Variants in SULF2 observed in about 807,000 individuals in gnomAD.
SULF2 encodes the protein extracellular sulfatase Sulf-2.
A neutral mutation model predicts 107.7 loss-of-function variants in SULF2; 52 were observed. The observed-to-expected ratio is 0.48, with a 90% CI of 0.39 to 0.61. SULF2 has a LOEUF of 0.61. Among genes scored for constraint, SULF2 ranks in the 20% least tolerant of loss-of-function variants. The probability of loss-of-function intolerance (pLI) is 0.00; values close to 1 mark genes in which losing one functional copy is unlikely to be tolerated. For synonymous variants in SULF2, 460 were observed against 464.3 expected (o/e 0.99, Z 0.12); for missense variants, 993 against 1,177.3 (o/e 0.84, Z 2.29).
At chr20:47,720,399 G>C (rs2089253066) in intron 3 of SULF2, among the ~76,000 whole-genome samples, 1 of 151,974 alleles carries the variant, frequency 6.6e-6, no homozygotes, top group African/African-American at 2.4e-5. Flanking sequence ...GGGAGTACAG[G>C]TGCACACCAC....
intron 3 of SULF2, among the ~76,000 whole-genome samples, chr20:47,727,269 A>G (rs1369746381): frequency 6.6e-6 from 1 of 152,174 alleles, no homozygotes; most frequent in Non-Finnish European, 1.5e-5. Context: ...ACACTGATTC[A>G]GAGAGGAGCA....
rs2088312256 is a variant in SULF2 at position 47,694,574 on chromosome 20, G to A, written c.568-4279C>T. Among the ~76,000 whole-genome samples, 1 of 152,020 alleles carries A rather than the reference G, an allele frequency of 6.6e-6. No individual in the cohort carries two copies. The highest frequency in any genetic ancestry group is 1.5e-5 in the Non-Finnish European group (1 of 67,986). Reference sequence around the variant, plus strand: ...CTGCTGGCCTGCACAGCTCCACAGGGCTGAGAAGCCACAGCTGGGACCCCG... The same window carrying A: ...CTGCTGGCCTGCACAGCTCCACAGGACTGAGAAGCCACAGCTGGGACCCCG... On this transcript the variant is annotated intron_variant, in intron 4 of 20. Coordinates refer to ENST00000688720, the MANE Select transcript of SULF2 (RefSeq NM_001387048.1). The surrounding 1 kb of genome is among the most constrained non-coding windows in gnomAD (Gnocchi z 4.4).
At chr20:47,707,629 C>T (rs944686062) in intron 3 of SULF2, among the ~76,000 whole-genome samples, 24 of 152,042 alleles carry the variant, frequency 1.6e-4, no homozygotes, top group South Asian at 6.2e-4. Flanking sequence ...GATATGCGGA[C>T]CCCCCCAGCA....
chr20:47,743,952 C>G (rs2089948504), intron 2 of SULF2, among the ~76,000 whole-genome samples: 1 of 152,222 alleles, frequency 6.6e-6, no homozygotes. Context: ...AAGGCTTTCT[C>G]TGGACTGTGC....
chr20:47,659,477 A>C, intron 19 of SULF2, 25 bp from the exon 20 acceptor site: 1 of 1,612,568 alleles, frequency 6.2e-7, no homozygotes, highest in South Asian at 1.1e-5. Flanking sequence ...GTCAAAGGAG[A>C]ATGAATGTTA....
chr20:47,661,983 C>T, intron 17 of SULF2, 87 bp from the exon 18 acceptor site: 1 of 1,333,160 alleles, frequency 7.5e-7, no homozygotes, highest in Non-Finnish European at 9.8e-7. Context: ...ATATTTCAGG[C>T]AGGTGGCGGG....
chr20:47,739,531 T>C (rs931217116), intron 2 of SULF2, among the ~76,000 whole-genome samples: 36 of 152,184 alleles, frequency 2.4e-4, no homozygotes, highest in African/African-American at 8.2e-4. Context: ...CTTCAAGTTA[T>C]TGATCAGACA....
Position 47,705,016 on chromosome 20 carries a change from T to TA in SULF2, c.416-2347_416-2346insT, listed in dbSNP as rs1361694831. 6.0e-4 allele frequency among the ~76,000 whole-genome samples: 92 copies of TA among 152,192 alleles called. 1 individual carries two copies. The highest frequency in any genetic ancestry group is 1.9e-4 in the Non-Finnish European group (13 of 68,028). On this transcript the variant is annotated intron_variant, in intron 3 of 20. Transcript: ENST00000688720. ...CTCTGCAGCGGTTTTCCTGGTGACC[T>TA]GGCAGATGGCTGACACTTTCCAGGA...
chr20:47,663,726 A>G (rs1034149462), intron 15 of SULF2, 104 bp from the exon 16 acceptor site: 2 of 1,314,328 alleles, frequency 1.5e-6, no homozygotes, highest in Middle Eastern at 1.9e-4. Flanking sequence ...GGCTTCTCCA[A>G]CAGAGAGCCA....
chr20:47,725,170 C>T (rs539191650), intron 3 of SULF2, among the ~76,000 whole-genome samples: 74 of 152,296 alleles, frequency 4.9e-4, no homozygotes, highest in Non-Finnish European at 9.3e-4. Flanking sequence ...AATCCTTTGG[C>T]GTAGCACTGT....
At chr20:47,686,225 G>A (rs563439735) in intron 5 of SULF2, 2 of 152,362 alleles carry the variant, frequency 1.3e-5, no homozygotes, top group Non-Finnish European at 2.9e-5. Flanking sequence ...TGAGACAGCG[G>A]GCAGGTCCCC....
At chr20:47,698,061 G>A (rs1344196307) in intron 4 of SULF2, among the ~76,000 whole-genome samples, 2 of 152,236 alleles carry the variant, frequency 1.3e-5, no homozygotes, top group East Asian at 3.8e-4. Context: ...TGAGACTTGA[G>A]GGCAGGCCGG....
chr20:47,704,398 G>A (rs558310113), intron 3 of SULF2, among the ~76,000 whole-genome samples: 3 of 151,822 alleles, frequency 2.0e-5, no homozygotes, highest in African/African-American at 4.8e-5. Flanking sequence ...TCATCCTCCC[G>A]AGTAGCTGGG....
At chr20:47,728,570 TG>T (rs2089510790) in intron 3 of SULF2, among the ~76,000 whole-genome samples, 1 of 152,018 alleles carries the variant, frequency 6.6e-6, no homozygotes, top group African/African-American at 2.4e-5. Flanking sequence ...GCACCTACGA[TG>T]GGGTGGGCAC....
At chr20:47,715,477 C>T (rs933829537) in intron 3 of SULF2, among the ~76,000 whole-genome samples, 6 of 152,206 alleles carry the variant, frequency 3.9e-5, no homozygotes, top group African/African-American at 1.4e-4. Flanking sequence ...TGGTCAGTGA[C>T]GAGACCTCGA....
chr20:47,737,755 GTTTT>G (rs11484375), intron 2 of SULF2, among the ~76,000 whole-genome samples: 22 of 61,834 alleles, frequency 3.6e-4, no homozygotes, highest in African/African-American at 1.3e-3. Flanking sequence ...TCTTTTCTTT[GTTTT>G]TTTTTTTTTT....
chr20:47,659,549 C>T (rs2086999134), intron 19 of SULF2, 97 bp from the exon 20 acceptor site: 16 of 1,433,412 alleles, frequency 1.1e-5, no homozygotes, highest in Admixed American at 1.7e-5. Context: ...CTAGGTGACA[C>T]CTATCTTTGG....
At chr20:47,677,055 C>G (rs765020401) in intron 9 of SULF2, 23 bp downstream of exon 9, 2 of 1,612,638 alleles carry the variant, frequency 1.2e-6, no homozygotes, top group Admixed American at 1.7e-5. Flanking sequence ...GCAGGGGTGT[C>G]CCTCCCAGGA....
At chr20:47,688,489 C>G in intron 5 of SULF2, among the ~76,000 whole-genome samples, 1 of 152,226 alleles carries the variant, frequency 6.6e-6, no homozygotes, top group Admixed American at 6.5e-5. Flanking sequence ...TGGGGTGAAG[C>G]CGGCACCTCT....
Sources: gnomAD v4.1 joint callset for allele counts (sites outside exome capture counted in the v4.1 genomes callset) on GRCh38, gnomAD v4.1.1 for gene constraint, Gnocchi (gnomAD v3.1) non-coding constraint, MANE v1.5 for transcripts, NCBI Gene and HGNC (gene_info 2026-07-23, HGNC 2026-07-21) for gene names.